Variants in SGCD observed in about 807,000 individuals in gnomAD.
SGCD encodes the protein sarcoglycan delta.
SGCD carries 18 observed loss-of-function variants against 36.6 expected under a neutral mutation model. The observed-to-expected ratio is 0.49, with a 90% CI of 0.34 to 0.73. SGCD has a LOEUF of 0.73. Ranked by LOEUF, SGCD falls within the 30% of genes least tolerant of loss-of-function variation. SGCD has a pLI of 0.01. For synonymous variants in SGCD, 133 were observed against 130.6 expected (o/e 1.02, Z -0.12); for missense variants, 387 against 346.7 (o/e 1.12, Z -0.92).
intron 3 of SGCD, among the ~76,000 whole-genome samples, chr5:156,492,360 C>T (rs1755983506): frequency 6.6e-6 from 1 of 152,044 alleles, no homozygotes; most frequent in Non-Finnish European, 1.5e-5. Flanking sequence ...AATCCCACAT[C>T]TGCAATCTGC....
chr5:156,644,093 G>C (rs565341944), intron 6 of SGCD, among the ~76,000 whole-genome samples: 5 of 152,246 alleles, frequency 3.3e-5, no homozygotes, highest in Non-Finnish European at 7.4e-5. Context: ...TTTCTAAAGA[G>C]TACACTTAAG....
At chr5:156,002,880 A>G (rs369650465) in intron 1 of SGCD, among the ~76,000 whole-genome samples, 1 of 152,240 alleles carries the variant, frequency 6.6e-6, no homozygotes, top group African/African-American at 2.4e-5. Flanking sequence ...GAAAAGCTGC[A>G]TTCTAAAAAT....
the SGCD span, among the ~76,000 whole-genome samples, chr5:155,737,456 A>C: frequency 2.0e-5 from 3 of 152,262 alleles, no homozygotes; most frequent in African/African-American, 7.2e-5. Context: ...TATAGACAGT[A>C]TAGTCTGATA....
intron 3 of SGCD, among the ~76,000 whole-genome samples, chr5:156,192,655 C>T (rs948222122): frequency 6.6e-6 from 1 of 151,794 alleles, no homozygotes; most frequent in African/African-American, 2.4e-5. Flanking sequence ...GATAAATTCT[C>T]AGGGTGATGG....
chr5:156,705,427 G>A (rs1754700257), intron 7 of SGCD, among the ~76,000 whole-genome samples: 2 of 152,112 alleles, frequency 1.3e-5, no homozygotes, highest in African/African-American at 2.4e-5. Flanking sequence ...TTTAACAGCC[G>A]TTGGTTGGTT....
At chr5:156,687,596 A>G (rs1753951744) in intron 7 of SGCD, among the ~76,000 whole-genome samples, 1 of 152,196 alleles carries the variant, frequency 6.6e-6, no homozygotes, top group African/African-American at 2.4e-5. Context: ...TGAAGAAGAC[A>G]GCAGATAATG....
intron 4 of SGCD, among the ~76,000 whole-genome samples, chr5:156,570,931 T>C (rs999549181): frequency 3.3e-5 from 5 of 152,226 alleles, no homozygotes; most frequent in African/African-American, 1.2e-4. Flanking sequence ...AATATCTCTT[T>C]TATAAGTAGT....
At chr5:156,617,660 G>A (rs537453411) in intron 6 of SGCD, among the ~76,000 whole-genome samples, 20 of 152,288 alleles carry the variant, frequency 1.3e-4, no homozygotes, top group South Asian at 6.2e-4. Flanking sequence ...GTCTATTCAC[G>A]TAACTTAAAA....
chr5:156,073,938 A>G (rs1419825798), intron 1 of SGCD, among the ~76,000 whole-genome samples: 1 of 152,186 alleles, frequency 6.6e-6, no homozygotes, highest in Non-Finnish European at 1.5e-5. Context: ...TGGGGTGGAG[A>G]GGAGCCATTT....
intron 1 of SGCD, among the ~76,000 whole-genome samples, chr5:156,108,004 T>C (rs1761690449): frequency 6.6e-6 from 1 of 152,058 alleles, no homozygotes; most frequent in Non-Finnish European, 1.5e-5. Flanking sequence ...TTCCAATGCT[T>C]ATCATAATAT....
intron 3 of SGCD, among the ~76,000 whole-genome samples, chr5:156,442,977 G>A (rs1753562328): frequency 6.6e-6 from 1 of 152,066 alleles, no homozygotes; most frequent in African/African-American, 2.4e-5. Context: ...ATATATTAAT[G>A]CATGTAGCCT....
rs372916733 is a variant in SGCD at position 156,553,069 on chromosome 5, G to T, written c.295-36162G>T. Among the ~76,000 whole-genome samples, 10 of 152,312 alleles carry T rather than the reference G, an allele frequency of 6.6e-5. No homozygotes were observed. The East Asian group carries it at 1.7e-3, about 26-fold the overall frequency. ...CCAAAAGGCGAAGGGCAGCCAGCGT[G>T]TGTGGAGATCACATGGTCAGAGATG... is the stretch of plus-strand genomic sequence containing the variant. On this transcript the variant is annotated intron_variant, in intron 4 of 8. Coordinates refer to ENST00000337851, the MANE Select transcript of SGCD (RefSeq NM_000337.6).
At chr5:156,578,982 T>C (rs1760112875) in intron 4 of SGCD, among the ~76,000 whole-genome samples, 1 of 152,354 alleles carries the variant, frequency 6.6e-6, no homozygotes, top group African/African-American at 2.4e-5. Context: ...TGCTCTTCTC[T>C]AGTTCTTTTC....
intron 3 of SGCD, among the ~76,000 whole-genome samples, chr5:156,468,458 A>G (rs1754810833): frequency 6.6e-6 from 1 of 152,152 alleles, no homozygotes; most frequent in African/African-American, 2.4e-5. Context: ...TACTCAGTAA[A>G]TCATTATATT....
intron 4 of SGCD, among the ~76,000 whole-genome samples, chr5:156,535,414 T>C (rs1477922154): frequency 6.6e-6 from 1 of 152,228 alleles, no homozygotes; most frequent in Admixed American, 6.5e-5. Context: ...TAGCAACGTT[T>C]AATGAAATTC....
chr5:156,580,016 CT>C (rs2113330533), intron 4 of SGCD, among the ~76,000 whole-genome samples: 1 of 152,282 alleles, frequency 6.6e-6, no homozygotes, highest in South Asian at 2.1e-4. Flanking sequence ...CATTGATGGT[CT>C]TTACAATTTG....
chr5:156,323,431 T>G (rs1767723821), upstream of SGCD, among the ~76,000 whole-genome samples: 1 of 152,132 alleles, frequency 6.6e-6, no homozygotes, highest in Admixed American at 6.5e-5. Flanking sequence ...TAATCTACAG[T>G]AAAAATATCC....
the SGCD span, among the ~76,000 whole-genome samples, chr5:155,732,566 G>A: frequency 2.0e-4 from 30 of 152,138 alleles, no homozygotes; most frequent in African/African-American, 7.0e-4. Flanking sequence ...GCCAGAACTT[G>A]GACCAGCACC....
At chr5:156,086,341 C>T (rs534184497) in intron 1 of SGCD, among the ~76,000 whole-genome samples, 16 of 152,274 alleles carry the variant, frequency 1.1e-4, no homozygotes, top group Admixed American at 4.6e-4. Flanking sequence ...TCACCACTTG[C>T]GAAGACAAAT....
Sources: gnomAD v4.1 joint callset for allele counts (sites outside exome capture counted in the v4.1 genomes callset) on GRCh38, gnomAD v4.1.1 for gene constraint, MANE v1.5 for transcripts, NCBI Gene and HGNC (gene_info 2026-07-23, HGNC 2026-07-21) for gene names.